MSI2: variants seen among roughly 807,000 people sequenced by gnomAD.
The protein encoded by MSI2 is RNA-binding protein Musashi homolog 2.
A neutral mutation model predicts 45.6 loss-of-function variants in MSI2; 17 were observed. The ratio of observed to expected loss-of-function variants is 0.37; its 90% CI spans 0.26 to 0.56. The LOEUF (loss-of-function observed/expected upper bound fraction) is 0.56, where lower values mean the gene tolerates loss of function less well. MSI2 is among the 20% of genes least tolerant of loss of function. The pLI is 0.77. For missense variants in MSI2, 293 were observed against 444.2 expected (o/e 0.66, Z 3.06); for synonymous variants, 156 against 158.2 (o/e 0.99, Z 0.11).
chr17:57,638,555 T>A (rs1275261428), intron 10 of MSI2, among the ~76,000 whole-genome samples: 1 of 152,286 alleles, frequency 6.6e-6, no homozygotes, highest in African/African-American at 2.4e-5. Context: ...TAGTCCATTC[T>A]GGTGACCGTA....
intron 6 of MSI2, among the ~76,000 whole-genome samples, chr17:57,517,482 G>A (rs766149366): frequency 6.6e-5 from 10 of 152,348 alleles, no homozygotes; most frequent in Middle Eastern, 3.4e-3. Flanking sequence ...GCTTGTCCGA[G>A]AGGGCGGGGC....
At chr17:57,633,895 C>G (rs1031386234) in intron 10 of MSI2, among the ~76,000 whole-genome samples, 2 of 152,176 alleles carry the variant, frequency 1.3e-5, no homozygotes, top group Admixed American at 1.3e-4. Flanking sequence ...TTTTATCCCC[C>G]ATGAGGGATC....
intron 6 of MSI2, among the ~76,000 whole-genome samples, chr17:57,433,565 C>A (rs373672937): frequency 6.6e-6 from 1 of 152,300 alleles, no homozygotes; most frequent in East Asian, 1.9e-4. Flanking sequence ...GTTTAAGCCA[C>A]CTGGTTGCAG....
At chr17:57,660,702 A>G (rs570667161) in intron 11 of MSI2, among the ~76,000 whole-genome samples, 2 of 152,302 alleles carry the variant, frequency 1.3e-5, no homozygotes, top group South Asian at 4.1e-4. Flanking sequence ...TCCACTTTTA[A>G]AGGACAAATA....
intron 5 of MSI2, among the ~76,000 whole-genome samples, chr17:57,294,106 C>A (rs1036211674): frequency 6.6e-6 from 1 of 152,040 alleles, no homozygotes; most frequent in African/African-American, 2.4e-5. Context: ...CTGCAGATGT[C>A]CCTATGTTCT....
intron 5 of MSI2, among the ~76,000 whole-genome samples, chr17:57,367,237 G>T (rs898506915): frequency 6.6e-6 from 1 of 152,118 alleles, no homozygotes; most frequent in African/African-American, 2.4e-5. Flanking sequence ...ATGGCTTCAC[G>T]CTTGGTGAAC....
At chr17:57,583,441 A>G (rs1424505346) in intron 7 of MSI2, among the ~76,000 whole-genome samples, 1 of 151,814 alleles carries the variant, frequency 6.6e-6, no homozygotes, top group South Asian at 2.1e-4. Flanking sequence ...TCCAGGTGAC[A>G]AAAATTAGGC....
chr17:57,257,694 C>G, intron 3 of MSI2, 147 bp downstream of exon 3: 1 of 591,534 alleles, frequency 1.7e-6, no homozygotes, highest in South Asian at 2.1e-5. Context: ...CCACCCCCAC[C>G]GCCCCCTAGT....
chr17:57,649,632 C>A (rs1465661230), intron 10 of MSI2, among the ~76,000 whole-genome samples: 4 of 152,212 alleles, frequency 2.6e-5, no homozygotes, highest in Non-Finnish European at 5.9e-5. Flanking sequence ...AGCCCAGCCA[C>A]CAAGAAGAGG....
chr17:57,699,182 A>AGTGT, the MSI2 span, among the ~76,000 whole-genome samples: 7 of 25,086 alleles, frequency 2.8e-4, 2 homozygotes, highest in East Asian at 2.1e-3. Flanking sequence ...AGAGAGAGAG[A>AGTGT]GTGTGTGTGT....
intron 5 of MSI2, chr17:57,285,716 C>T: frequency 4.5e-6 from 3 of 666,068 alleles, no homozygotes; most frequent in Non-Finnish European, 6.8e-6. Flanking sequence ...AGGAACGTCT[C>T]CCCAAGTAGG....
chr17:57,541,143 C>A (rs2087036654), intron 7 of MSI2, among the ~76,000 whole-genome samples: 1 of 133,166 alleles, frequency 7.5e-6, no homozygotes, highest in African/African-American at 2.9e-5. Flanking sequence ...GTTAAAGATA[C>A]ATTTTGGTAG....
intron 5 of MSI2, among the ~76,000 whole-genome samples, chr17:57,303,093 C>T (rs546949240): frequency 2.0e-5 from 3 of 152,286 alleles, no homozygotes; most frequent in African/African-American, 7.2e-5. Context: ...ATTCCCTGTC[C>T]GGTGTTCACG....
chr17:57,630,011 C>T (rs1414268464), intron 10 of MSI2: 1 of 152,260 alleles, frequency 6.6e-6, no homozygotes, highest in Non-Finnish European at 1.5e-5. Flanking sequence ...CCGGGGCCCC[C>T]ATGAGCTGGC....
At chr17:57,694,373 G>A in the MSI2 span, among the ~76,000 whole-genome samples, 1 of 152,104 alleles carries the variant, frequency 6.6e-6, no homozygotes. Context: ...TTAGCCTTAG[G>A]CCTTCCTTGT....
chr17:57,677,656 C>T (rs1043441640), intron 13 of MSI2, among the ~76,000 whole-genome samples: 28 of 152,204 alleles, frequency 1.8e-4, no homozygotes, highest in African/African-American at 5.3e-4. Flanking sequence ...GATTACTGCA[C>T]GAAAAGCAAA....
intron 5 of MSI2, 103 bp downstream of exon 5, chr17:57,262,295 C>G (rs1173939045): frequency 8.0e-7 from 1 of 1,252,852 alleles, no homozygotes; most frequent in African/African-American, 1.5e-5. Context: ...GCCTGGTATT[C>G]ACTGTTCCTT....
chr17:57,402,513 C>G (rs1051313511), intron 6 of MSI2, among the ~76,000 whole-genome samples: 1 of 152,212 alleles, frequency 6.6e-6, no homozygotes, highest in Admixed American at 6.5e-5. Flanking sequence ...GGGTGTCGTG[C>G]TTGCCATGGG....
At chr17:57,398,777 G>A (rs759651546) in intron 5 of MSI2, among the ~76,000 whole-genome samples, 9 of 152,178 alleles carry the variant, frequency 5.9e-5, no homozygotes, top group African/African-American at 1.2e-4. Flanking sequence ...CATTCTATTA[G>A]AATATAAGCT....
Sources: gnomAD v4.1 joint callset for allele counts (sites outside exome capture counted in the v4.1 genomes callset) on GRCh38, gnomAD v4.1.1 for gene constraint, MANE v1.5 for transcripts, NCBI Gene and HGNC (gene_info 2026-07-23, HGNC 2026-07-21) for gene names.